Variants in IL3RA observed in about 807,000 individuals in gnomAD.
IL3RA encodes interleukin-3 receptor subunit alpha.
In IL3RA, 73 loss-of-function variants were observed where a neutral mutation model predicts 52.3. That is an observed-to-expected ratio of 1.40 (90% CI 1.16 to 1.70). IL3RA has a LOEUF of 1.70. Among genes scored for constraint, IL3RA ranks in the 40% most tolerant of loss-of-function variants. The pLI, the probability that IL3RA is intolerant of heterozygous loss-of-function variation, is 0.00. For synonymous variants in IL3RA, 260 were observed against 194.0 expected, an observed-to-expected ratio of 1.34 and a Z score of -2.83; for missense variants, 664 against 504.4, an observed-to-expected ratio of 1.32 and a Z score of -3.03.
intron 9 of IL3RA, among the ~76,000 whole-genome samples, chrX:1,368,668 G>C (rs1307886675): frequency 6.6e-6 from 1 of 152,118 alleles, no homozygotes; most frequent in East Asian, 1.9e-4. Flanking sequence ...AAGAAGAGGA[G>C]ATGAGGACAC....
chrX:1,346,263 A>T (rs2085737864), intron 3 of IL3RA, among the ~76,000 whole-genome samples: 2 of 151,700 alleles, frequency 1.3e-5, no homozygotes, highest in South Asian at 4.2e-4. Context: ...ACATGGTGAA[A>T]CCCCGCCTCC....
chrX:1,350,656 C>T (rs2086042718), intron 4 of IL3RA, among the ~76,000 whole-genome samples: 1 of 149,032 alleles, frequency 6.7e-6, no homozygotes, highest in African/African-American at 2.5e-5. Context: ...AATCCCAGCA[C>T]TTTGGGAGGC....
In IL3RA at chrX:1,378,679, GC is replaced by G; in HGVS notation, c.896del (p.Ala299GlufsTer11). On this transcript the variant is annotated frameshift_variant, in exon 10 of 12. Transcript: ENST00000331035. LOFTEE classifies it high-confidence loss of function. ...QRFECDQEEG[A>X]NTRAWRTSLL... ...CCTAGAGTGCGACCAGGAGGAGGGC[GC>G]AAACACACGTGCCTGGCGGACGTCG... 6.2e-7 allele frequency: 1 copy of G among 1,612,576 alleles called. No individual in the cohort carries two copies. The highest frequency in any genetic ancestry group is 8.5e-7 in the Non-Finnish European group (1 of 1,179,794).
intron 4 of IL3RA, among the ~76,000 whole-genome samples, chrX:1,350,459 CAT>C (rs1208110403): frequency 1.3e-5 from 2 of 151,178 alleles, no homozygotes; most frequent in East Asian, 3.9e-4. Context: ...GGTGGTGGCA[CAT>C]GCCTGTAGTC....
In IL3RA at chrX:1,348,550, G is replaced by C; in HGVS notation, c.298+5G>C. ...GGATCCTCTTCCCTGAGAACAGTGA[G>C]AAAAATGTTCATTGTTTGTTTATTC... On this transcript the variant is annotated splice_donor_5th_base_variant and intron_variant, in intron 4 of 11. Coordinates refer to ENST00000331035, the MANE Select transcript of IL3RA (RefSeq NM_002183.4). 2 of 1,601,882 alleles carry C rather than the reference G, an allele frequency of 1.2e-6. No homozygotes were observed. The highest frequency in any genetic ancestry group is 1.7e-6 in the Non-Finnish European group (2 of 1,168,868).
rs1422390179 is a variant in IL3RA, at chrX:1,348,654, CTT to C, written c.298+111_298+112del. ...TTTTCTTTTCTTTTTCTCTTTCTTT[CTT>C]TCTTTCTTTCTTTCTTTCTTTCTTT... is the stretch of plus-strand genomic sequence containing the variant. On this transcript the variant is annotated intron_variant, in intron 4 of 11. Coordinates refer to ENST00000331035, the MANE Select transcript of IL3RA (RefSeq NM_002183.4). 4.2e-5 allele frequency: 17 copies of C among 406,516 alleles called. 1 individual carries two copies. Among genetic ancestry groups the C allele is most frequent in the Admixed American group, 4.1e-4 (7 of 17,216 alleles). 25.2% of individuals were successfully genotyped at this position (406,516 alleles called of 1,614,324 possible).
intron 1 of IL3RA, among the ~76,000 whole-genome samples, chrX:1,341,160 C>T (rs2085472997): frequency 2.0e-5 from 3 of 151,904 alleles, no homozygotes; most frequent in Admixed American, 2.0e-4. Context: ...ATTAGCCAGG[C>T]ATGGTGGCGA....
Position 1,348,501 on chromosome X carries a change from T to C in IL3RA, c.254T>C (p.Val85Ala), listed in dbSNP as rs752008929. Reference sequence around the variant, plus strand: ...GAAGTGACCAACTACACCGTCCGAGTGGCCAACCCACCATTCTCCACGTGG... The same window carrying C: ...GAAGTGACCAACTACACCGTCCGAGCGGCCAACCCACCATTCTCCACGTGG... ...LCEVTNYTVRVANPPFSTWIL... is the reference protein window; with the variant it reads ...LCEVTNYTVRAANPPFSTWIL... Residue 85 changes from valine (V) to alanine (A), a missense_variant, in exon 4 of 12, where the codon GTG becomes GCG. By Grantham distance (64) the Val-to-Ala change is moderately conservative. Transcript: ENST00000331035. 1.5e-5 allele frequency: 25 copies of C among 1,613,720 alleles called. No individual in the cohort carries two copies. The highest frequency in any genetic ancestry group is 2.0e-5 in the Non-Finnish European group (24 of 1,179,844).
intron 7 of IL3RA, among the ~76,000 whole-genome samples, chrX:1,358,520 G>A (rs1268256115): frequency 3.3e-4 from 51 of 152,268 alleles, no homozygotes; most frequent in Non-Finnish European, 5.7e-4. Flanking sequence ...TTAGCCAGGC[G>A]TGGTGGCACG....
At chrX:1,355,424 G>GGGA (rs1186828182) in intron 6 of IL3RA, among the ~76,000 whole-genome samples, 34 of 114,892 alleles carry the variant, frequency 3.0e-4, no homozygotes, top group African/African-American at 1.2e-3. Context: ...GGGGGAGGAG[G>GGGA]GGAGGGGAGG....
chrX:1,365,562 C>A (rs1481903928), intron 9 of IL3RA, among the ~76,000 whole-genome samples: 3 of 21,326 alleles, frequency 1.4e-4, no homozygotes, highest in East Asian at 9.7e-4. Flanking sequence ...GAGCCGGGTG[C>A]GCGGGGTGAG....
Position 1,356,212 on chromosome X carries a change from C to T in IL3RA, c.617-9C>T. On this transcript the variant is annotated splice_polypyrimidine_tract_variant and intron_variant, in intron 6 of 11. Coordinates refer to ENST00000331035, the MANE Select transcript of IL3RA (RefSeq NM_002183.4). ...TCCTAAATCCTAAAAGTGTTTTTCT[C>T]GTTGCTAGAGATATTAACTCCACCC... The T allele has an allele frequency of 6.6e-7, 1 of 1,523,032 alleles. No homozygotes were observed. The highest frequency in any genetic ancestry group is 9.0e-7 in the Non-Finnish European group (1 of 1,107,300). The allele number at this position is 1,523,032 out of a possible 1,614,324, so 94.3% of individuals were successfully genotyped here.
intron 6 of IL3RA, among the ~76,000 whole-genome samples, chrX:1,353,845 C>G (rs1273113502): frequency 2.0e-5 from 3 of 147,308 alleles, no homozygotes; most frequent in Non-Finnish European, 4.5e-5. Flanking sequence ...CATGGGAACC[C>G]CCATCATGGG....
At position 1,345,453 on chromosome X, in the gene IL3RA, T is replaced by C; in HGVS notation, c.183+19T>C. The C allele has an allele frequency of 1.4e-6, 2 of 1,405,646 alleles. No homozygotes were observed. The highest frequency in any genetic ancestry group is 1.9e-6 in the Non-Finnish European group (2 of 1,032,044). 87.1% of individuals were successfully genotyped at this position (1,405,646 alleles called of 1,614,324 possible). A position where few individuals can be genotyped will look rare whatever the true frequency, so the allele number is the denominator to read the frequency against. On this transcript the variant is annotated intron_variant, in intron 3 of 11. Transcript: ENST00000331035. ...TATGCCGGTAAATCATACTCTCTATTGTTTTTTTATTTTTATTTTATTTAT... is the reference window on the plus strand; with the variant it reads ...TATGCCGGTAAATCATACTCTCTATCGTTTTTTTATTTTTATTTTATTTAT...
chrX:1,356,264 A>G lies in IL3RA; in HGVS notation c.660A>G (p.Thr220=), dbSNP rs781095113. The G allele has an allele frequency of 1.9e-6, 3 of 1,613,678 alleles. No individual in the cohort carries two copies. The highest frequency in any genetic ancestry group is 2.5e-6 in the Non-Finnish European group (3 of 1,179,688). ...PPNMTAKCNK[T]HSFMHWKMRS... The stretch of plus-strand genomic sequence containing the variant: ...ACATGACTGCAAAGTGTAATAAGAC[A>G]CATTCCTTTATGCACTGGAAAATGA... Residue 220 remains threonine (T), a synonymous_variant, in exon 7 of 12, where the codon ACA becomes ACG. Transcript: ENST00000331035.
At position 1,345,521 on chromosome X, in the gene IL3RA, G is replaced by C. The variant is rs1387545545; in HGVS notation, c.183+87G>C. The C allele has an allele frequency of 1.5e-5, 14 of 931,248 alleles. No individual in the cohort carries two copies. In the Admixed American group the frequency reaches 4.4e-4, roughly 30 times the overall value. The allele number at this position is 931,248 out of a possible 1,614,324, so 57.7% of individuals were successfully genotyped here. A position where few individuals can be genotyped will look rare whatever the true frequency, so the allele number is the denominator to read the frequency against. ...TATTTATTTTTTGAGACGGAGTCTT[G>C]CTCTGTCGCCCAGGCTGGACTGCGG... On this transcript the variant is annotated intron_variant, in intron 3 of 11. Coordinates refer to ENST00000331035, the MANE Select transcript of IL3RA (RefSeq NM_002183.4).
In IL3RA at chrX:1,365,294, CGGGGTG is replaced by C. The variant is rs2087853905; in HGVS notation, c.874+43_874+48del. ...GGGTGCGCGGGGTGAGCGGGGTGAGCGGGGTGCGCGGGGTGAGCGGGGTGCGCGGGG... is the reference window on the plus strand; with the variant it reads ...GGGTGCGCGGGGTGAGCGGGGTGAGCCGCGGGGTGAGCGGGGTGCGCGGGG... On this transcript the variant is annotated intron_variant, in intron 9 of 11. Transcript: ENST00000331035. The C allele has an allele frequency of 6.0e-6, 6 of 997,788 alleles. No homozygotes were observed. The African/African-American group carries it at 1.1e-4, about 18-fold the overall frequency. The allele number at this position is 997,788 out of a possible 1,614,324, so 61.8% of individuals were successfully genotyped here. A position where few individuals can be genotyped will look rare whatever the true frequency, so the allele number is the denominator to read the frequency against.
chrX:1,349,241 G>A (rs1258072087), intron 4 of IL3RA, among the ~76,000 whole-genome samples: 8 of 151,248 alleles, frequency 5.3e-5, no homozygotes, highest in Non-Finnish European at 8.8e-5. Context: ...GAGTGCACTG[G>A]CGCGATCTCG....
rs771614231 is a variant in IL3RA at position 1,345,413 on chromosome X, A to G, written c.162A>G (p.Lys54=). The G allele has an allele frequency of 2.5e-6, 4 of 1,604,194 alleles. No individual in the cohort carries two copies. In the African/African-American group the frequency reaches 5.4e-5, roughly 22 times the overall value. Residue 54 remains lysine, a synonymous_variant, in exon 3 of 12, where the codon AAA becomes AAG. Transcript: ENST00000331035. Reference sequence around the variant, plus strand: ...ATGTGACCGATATCGAGTGTGTTAAAGACGCCGACTATTCTATGCCGGTAA... The same window carrying G: ...ATGTGACCGATATCGAGTGTGTTAAGGACGCCGACTATTCTATGCCGGTAA... ...NRNVTDIECV[K]DADYSMPAVN... is the part of the protein sequence containing the mutation.
Sources: gnomAD v4.1 joint callset for allele counts (sites outside exome capture counted in the v4.1 genomes callset) on GRCh38, gnomAD v4.1.1 for gene constraint, MANE v1.5 for transcripts, NCBI Gene and HGNC (gene_info 2026-07-23, HGNC 2026-07-21) for gene names.